Variants in ZNF296 observed in about 807,000 individuals in gnomAD.
The protein encoded by ZNF296 is zinc finger protein 342.
A neutral mutation model predicts 13.2 loss-of-function variants in ZNF296; 1 was observed. The ratio of observed to expected loss-of-function variants is 0.08; its 90% CI spans 0.03 to 0.36. The LOEUF (loss-of-function observed/expected upper bound fraction) is 0.36, where lower values mean the gene tolerates loss of function less well. Among genes scored for constraint, ZNF296 ranks in the 10% least tolerant of loss-of-function variants. The pLI, the probability that ZNF296 is intolerant of heterozygous loss-of-function variation, is 0.99. For missense variants in ZNF296, 555 were observed against 688.2 expected (o/e 0.81, Z 2.16); for synonymous variants, 303 against 289.0 (o/e 1.05, Z -0.49).
At chr19:45,073,906 C>T (rs568307875) in intron 2 of ZNF296, among the ~76,000 whole-genome samples, 12 of 151,628 alleles carry the variant, frequency 7.9e-5, no homozygotes, top group African/African-American at 2.7e-4. Flanking sequence ...CCTGTAATCC[C>T]GGCCACTTGG....
At position 45,072,454 on chromosome 19, in the gene ZNF296, G is replaced by C. The variant is rs778538464; in HGVS notation, c.575C>G (p.Pro192Arg). ...LSIYQTESEA[P>R]EAPLLGLAEV... Reference sequence around the variant, plus strand: ...GGCCAGGCCCAGGAGCGGGGCCTCCGGGGCCTCTGATTCTGTCTGGTAGAT... The same window carrying C: ...GGCCAGGCCCAGGAGCGGGGCCTCCCGGGCCTCTGATTCTGTCTGGTAGAT... Residue 192 changes from proline (P) to arginine (R), a missense_variant, in exon 3 of 3, where the codon CCG becomes CGG. This residue lies in a region of ZNF296 where 410 missense variants were observed against 548.0 expected (regional missense o/e 0.75). Transcript: ENST00000303809. 54 of 1,612,906 alleles carry C rather than the reference G, an allele frequency of 3.3e-5. No individual in the cohort carries two copies. Among genetic ancestry groups the C allele is most frequent in the Non-Finnish European group, 4.2e-5 (50 of 1,179,888 alleles).
At chr19:45,072,607 A>T (rs759727785) in intron 2 of ZNF296, 27 bp from the exon 3 acceptor site, 2 of 1,557,450 alleles carry the variant, frequency 1.3e-6, no homozygotes, top group African/African-American at 2.7e-5. Context: ...GCAGAGTGTT[A>T]GTGCGGACAG....
Position 45,075,880 on chromosome 19 carries a change from G to A in ZNF296, c.299-18C>T. The A allele has an allele frequency of 6.2e-7, 1 of 1,613,214 alleles. No homozygotes were observed. Among genetic ancestry groups the A allele is most frequent in the Non-Finnish European group, 8.5e-7 (1 of 1,179,748 alleles). Reference sequence around the variant, plus strand: ...CTGGCGGTCTGCAGGGAGGAAGCGGGTGGTGAGCGTGGGGTGGGGCCAGGA... The same window carrying A: ...CTGGCGGTCTGCAGGGAGGAAGCGGATGGTGAGCGTGGGGTGGGGCCAGGA... On this transcript the variant is annotated intron_variant, in intron 1 of 2. Transcript: ENST00000303809.
In ZNF296 at chr19:45,072,500, G is replaced by T. The variant is rs1047395983; in HGVS notation, c.529C>A (p.Gln177Lys). 1 of 1,613,736 alleles carries T rather than the reference G, an allele frequency of 6.2e-7. No homozygotes were observed. Among genetic ancestry groups the T allele is most frequent in the Non-Finnish European group, 8.5e-7 (1 of 1,180,030 alleles). The change falls in exon 3 of 3, where the codon CAG becomes AAG. Residue 177 changes from glutamine to lysine, a missense_variant. Around this residue, in one of 3 missense-constraint regions of ZNF296, gnomAD observed 410 missense variants for 548.0 expected, o/e 0.75. Coordinates refer to ENST00000303809, the MANE Select transcript of ZNF296 (RefSeq NM_145288.3). ...TAGATGGACAGTCCGTGGTCCCACTGGGCGTGACGCAGCAGCTTCCAGGCC... is the reference window on the plus strand; with the variant it reads ...TAGATGGACAGTCCGTGGTCCCACTTGGCGTGACGCAGCAGCTTCCAGGCC... Reference protein sequence around the residue: ...TVAWKLLRHAQWDHGLSIYQT... With the variant: ...TVAWKLLRHAKWDHGLSIYQT...
Position 45,076,298 on chromosome 19 carries a change from C to T in ZNF296, c.76G>A (p.Glu26Lys), listed in dbSNP as rs1428615645. Reference sequence around the variant, plus strand: ...AGTTCGATGACGAGGTCCTGCATTTCCATCTCGTCGTCTGGGTTGGCGGCG... The same window carrying T: ...AGTTCGATGACGAGGTCCTGCATTTTCATCTCGTCGTCTGGGTTGGCGGCG... ...APAANPDDEM[E>K]MQDLVIELKP... Residue 26 changes from glutamate to lysine, a missense_variant, in exon 1 of 3, where the codon GAA (glutamate) becomes AAA (lysine). By Grantham distance (56) the Glu-to-Lys change is moderately conservative. Coordinates refer to ENST00000303809, the MANE Select transcript of ZNF296 (RefSeq NM_145288.3). The surrounding 1 kb of genome is among the most constrained non-coding windows in gnomAD (Gnocchi z 4.9). 1 of 1,448,048 alleles carries T rather than the reference C, an allele frequency of 6.9e-7. No individual in the cohort carries two copies. The allele number at this position is 1,448,048 out of a possible 1,614,324, so 89.7% of individuals were successfully genotyped here.
chr19:45,074,949 C>CCAGA (rs1355921201), intron 2 of ZNF296, among the ~76,000 whole-genome samples: 1 of 152,226 alleles, frequency 6.6e-6, no homozygotes, highest in Non-Finnish European at 1.5e-5. Flanking sequence ...TTTCCCACCA[C>CCAGA]CAGACCCTCC....
chr19:45,072,530 T>G lies in ZNF296; in HGVS notation c.499A>C (p.Thr167Pro), dbSNP rs1386234833. 6.2e-7 allele frequency: 1 copy of G among 1,613,328 alleles called. No homozygotes were observed. Among genetic ancestry groups the G allele is most frequent in the African/African-American group, 1.3e-5 (1 of 74,934 alleles). The stretch of plus-strand genomic sequence containing the variant: ...TGACGCAGCAGCTTCCAGGCCACTG[T>G]GAACTGTTTGCCACAGCGCAGGCAG... ...LSCLRCGKQF[T>P]VAWKLLRHAQ... Residue 167 changes from threonine to proline, a missense_variant, in exon 3 of 3, where the codon ACA becomes CCA. Around this residue, in one of 3 missense-constraint regions of ZNF296, gnomAD observed 410 missense variants for 548.0 expected, o/e 0.75. Transcript: ENST00000303809.
Position 45,071,990 on chromosome 19 carries a change from G to A in ZNF296, c.1039C>T (p.Pro347Ser). ...ATGGCTCCCCAAGTGTCTCCACCAG[G>A]GCCGGCTTGAGCCCCACTGCCAGGA... ...GAPGSGAQAG[P>S]GGDTWGAITT... is the part of the protein sequence containing the mutation. Residue 347 changes from proline to serine, a missense_variant, in exon 3 of 3, where the codon CCT becomes TCT. Physicochemically the swap from Pro to Ser is moderately conservative, Grantham distance 74. This residue lies in a region of ZNF296 where 410 missense variants were observed against 548.0 expected (regional missense o/e 0.75). Transcript: ENST00000303809. The A allele has an allele frequency of 6.2e-7, 1 of 1,613,376 alleles. No individual in the cohort carries two copies. Among genetic ancestry groups the A allele is most frequent in the Non-Finnish European group, 8.5e-7 (1 of 1,180,016 alleles).
chr19:45,075,955 G>A, intron 1 of ZNF296, 93 bp from the exon 2 acceptor site: 2 of 1,589,260 alleles, frequency 1.3e-6, no homozygotes, highest in South Asian at 1.1e-5. Context: ...TCAGAAGGGG[G>A]CCTGAGGGGC....
In ZNF296 at chr19:45,076,027, C is replaced by T. The variant is rs2122638128; in HGVS notation, c.298+49G>A. The T allele has an allele frequency of 1.9e-6, 3 of 1,570,308 alleles. No homozygotes were observed. Among genetic ancestry groups the T allele is most frequent in the Non-Finnish European group, 1.7e-6 (2 of 1,163,110 alleles). On this transcript the variant is annotated intron_variant, in intron 1 of 2. Transcript: ENST00000303809. The surrounding 1 kb of genome is among the most constrained non-coding windows in gnomAD (Gnocchi z 4.9). ...CCATGCCCAAAGGGAAGGGTCCCAC[C>T]CGAGGGTCAAAGGTAAGGGAGGCTG...
At chr19:45,074,907 A>C (rs1967316493) in intron 2 of ZNF296, among the ~76,000 whole-genome samples, 1 of 152,002 alleles carries the variant, frequency 6.6e-6, no homozygotes, top group Non-Finnish European at 1.5e-5. Context: ...TCCAGCTCTA[A>C]AGCTGATTCA....
rs927853042 is a variant in ZNF296, at chr19:45,076,415, G to C, written c.-42C>G. ...GAGCGAGCGGGCGGGCAGGCAGGCA[G>C]GCGGGCGGGCGGAGGACGCACGAGC... On this transcript the variant is annotated 5_prime_UTR_variant, in exon 1 of 3. Coordinates refer to ENST00000303809, the MANE Select transcript of ZNF296 (RefSeq NM_145288.3). The surrounding 1 kb of genome is among the most constrained non-coding windows in gnomAD (Gnocchi z 4.9). The C allele has an allele frequency of 1.7e-4, 204 of 1,218,238 alleles. No homozygotes were observed. Among genetic ancestry groups the C allele is most frequent in the Non-Finnish European group, 2.1e-4 (202 of 977,182 alleles). 75.5% of individuals were successfully genotyped at this position (1,218,238 alleles called of 1,614,324 possible).
intron 2 of ZNF296, among the ~76,000 whole-genome samples, chr19:45,074,499 G>T (rs1015855823): frequency 2.0e-5 from 3 of 152,110 alleles, no homozygotes; most frequent in Non-Finnish European, 4.4e-5. Flanking sequence ...GACCTTCGGG[G>T]TACTCTCAGT....
In ZNF296 at chr19:45,072,174, C is replaced by T. The variant is rs749505047; in HGVS notation, c.855G>A (p.Pro285=). 1.0e-5 allele frequency: 16 copies of T among 1,598,766 alleles called. No individual in the cohort carries two copies. Among genetic ancestry groups the T allele is most frequent in the Admixed American group, 5.1e-5 (3 of 58,338 alleles). ...TGTCGGCCATGAGGGGGCTCTGGGG[C>T]GGCACCTGCCGGTGGGTCTTCTTGT... The part of the protein sequence containing the change: ...NRHKKTHRQV[P]PQSPLMADTS... The change falls in exon 3 of 3, where the codon CCG becomes CCA. Residue 285 remains proline, a synonymous_variant. Coordinates refer to ENST00000303809, the MANE Select transcript of ZNF296 (RefSeq NM_145288.3).
chr19:45,072,697 G>C (rs1192787509), intron 2 of ZNF296, 117 bp from the exon 3 acceptor site: 1 of 1,267,302 alleles, frequency 7.9e-7, no homozygotes, highest in East Asian at 2.5e-5. Context: ...CACACACCCT[G>C]GAAGGACCAG....
At chr19:45,073,005 G>C (rs1568425938) in intron 2 of ZNF296, among the ~76,000 whole-genome samples, 1 of 152,186 alleles carries the variant, frequency 6.6e-6, no homozygotes, top group African/African-American at 2.4e-5. Flanking sequence ...ACCCACCTCG[G>C]CCTCCCAAAG....
chr19:45,076,463 G>C lies in ZNF296; in HGVS notation c.-90C>G, dbSNP rs1472979297. The C allele has an allele frequency of 1.2e-5, 12 of 996,328 alleles. No individual in the cohort carries two copies. The South Asian group carries it at 1.5e-4, about 12-fold the overall frequency. The allele number at this position is 996,328 out of a possible 1,614,324, so 61.7% of individuals were successfully genotyped here. On this transcript the variant is annotated 5_prime_UTR_variant, in exon 1 of 3. Coordinates refer to ENST00000303809, the MANE Select transcript of ZNF296 (RefSeq NM_145288.3). The surrounding 1 kb of genome is among the most constrained non-coding windows in gnomAD (Gnocchi z 4.9). ...AGCGGAGGACGCGCGGACCGTGCGCGCTCAGGTGAGTGACTGCGGCGACCC... is the reference window on the plus strand; with the variant it reads ...AGCGGAGGACGCGCGGACCGTGCGCCCTCAGGTGAGTGACTGCGGCGACCC...
chr19:45,076,320 G>T lies in ZNF296; in HGVS notation c.54C>A (p.Ala18=). The change falls in exon 1 of 3, where the codon GCC becomes GCA. Residue 18 remains alanine (A), a synonymous_variant. Coordinates refer to ENST00000303809, the MANE Select transcript of ZNF296 (RefSeq NM_145288.3). The surrounding 1 kb of genome is among the most constrained non-coding windows in gnomAD (Gnocchi z 4.9). ...SAPRRVEPAP[A]ANPDDEMEMQ... ...TTTCCATCTCGTCGTCTGGGTTGGC[G>T]GCGGGCGCGGGCTCTACTCGGCGGG... 7.1e-7 allele frequency: 1 copy of T among 1,411,854 alleles called. No homozygotes were observed. The allele number at this position is 1,411,854 out of a possible 1,614,324, so 87.5% of individuals were successfully genotyped here.
Position 45,072,139 on chromosome 19 carries a change from T to C in ZNF296, c.890A>G (p.Glu297Gly). Residue 297 changes from glutamate (E) to glycine (G), a missense_variant, in exon 3 of 3, where the codon GAG becomes GGG. By Grantham distance (98) the Glu-to-Gly change is moderately conservative (BLOSUM62 -2). Coordinates refer to ENST00000303809, the MANE Select transcript of ZNF296 (RefSeq NM_145288.3). ...QSPLMADTSQ[E>G]QASAAPPEPA... is the part of the protein sequence containing the mutation. ...CTCCGGAGGGGCTGCAGAGGCCTGC[T>C]CCTGGCTGGTGTCGGCCATGAGGGG... 6.2e-7 allele frequency: 1 copy of C among 1,604,268 alleles called. No homozygotes were observed. Among genetic ancestry groups the C allele is most frequent in the Non-Finnish European group, 8.5e-7 (1 of 1,174,910 alleles).
Sources: gnomAD v4.1 joint callset for allele counts (sites outside exome capture counted in the v4.1 genomes callset) on GRCh38, gnomAD v4.1.1 for gene constraint, gnomAD v4.1.1 regional missense constraint, Gnocchi (gnomAD v3.1) non-coding constraint, MANE v1.5 for transcripts, NCBI Gene and HGNC (gene_info 2026-07-23, HGNC 2026-07-21) for gene names.